The following UBR3 variants were observed in gnomAD, a reference collection of about 807,000 sequenced individuals.
UBR3 encodes the protein E3 ubiquitin-protein ligase UBR3.
UBR3 carries 85 observed loss-of-function variants against 243.2 expected under a neutral mutation model. That is an observed-to-expected ratio of 0.35 (90% CI 0.29 to 0.42). The LOEUF (loss-of-function observed/expected upper bound fraction) is 0.42. Among genes scored for constraint, UBR3 ranks in the 10% least tolerant of loss-of-function variants. UBR3 has a pLI of 1.00. For missense variants in UBR3, 1,686 were observed against 2,300.8 expected (o/e 0.73, Z 5.47); for synonymous variants, 748 against 799.8 (o/e 0.94, Z 1.09).
chr2:169,949,498 TG>T, intron 22 of UBR3, 106 bp from the exon 23 acceptor site: 1 of 1,009,482 alleles, frequency 9.9e-7, no homozygotes, highest in East Asian at 2.7e-5. Context: ...AATAAATCTT[TG>T]TATGAAACTG....
chr2:169,888,295 C>T (rs140282125), intron 5 of UBR3, among the ~76,000 whole-genome samples: 17,201 of 151,470 alleles, frequency 0.11, 1,198 homozygotes, highest in Admixed American at 0.19. Context: ...CCTGCCACTA[C>T]GCCCAGCTAA....
At chr2:169,894,405 C>T (rs1353508855) in intron 6 of UBR3, among the ~76,000 whole-genome samples, 1 of 144,994 alleles carries the variant, frequency 6.9e-6, no homozygotes, top group Non-Finnish European at 1.5e-5. Flanking sequence ...CTATATATCA[C>T]TTATGTCACC....
At chr2:169,890,314 C>G (rs748205535) in intron 5 of UBR3, among the ~76,000 whole-genome samples, 77 of 151,940 alleles carry the variant, frequency 5.1e-4, no homozygotes, top group Non-Finnish European at 8.8e-4. Flanking sequence ...AGTTGGCTGG[C>G]TTTCTTTACT....
intron 24 of UBR3, among the ~76,000 whole-genome samples, chr2:169,968,937 G>A (rs2087953062): frequency 6.6e-6 from 1 of 152,086 alleles, no homozygotes; most frequent in Non-Finnish European, 1.5e-5. Context: ...ATTCCCAGAG[G>A]ATTAATCATG....
At chr2:169,828,402 T>C (rs1294692527) in intron 1 of UBR3, among the ~76,000 whole-genome samples, 1 of 152,092 alleles carries the variant, frequency 6.6e-6, no homozygotes, top group Non-Finnish European at 1.5e-5. Flanking sequence ...GTGTACTTGT[T>C]GGGAAAGGCT....
rs139564520 is a variant in UBR3 at position 170,077,083 on chromosome 2, T to A, written c.5200-2731T>A. 193 of 382,572 alleles carry A rather than the reference T, an allele frequency of 5.0e-4. 5 individuals carry two copies. The East Asian group carries it at 0.013, about 25-fold the overall frequency. 23.7% of individuals were successfully genotyped at this position (382,572 alleles called of 1,614,324 possible). On this transcript the variant is annotated intron_variant, in intron 36 of 38. Coordinates refer to ENST00000272793, the MANE Select transcript of UBR3 (RefSeq NM_172070.4). ...AGCAGAAATTTAAGACCGAATTTTT[T>A]TTTCCATTTTAATGTTTACAATTTA... is the stretch of plus-strand genomic sequence containing the variant.
intron 24 of UBR3, among the ~76,000 whole-genome samples, chr2:169,980,942 A>G (rs1474862512): frequency 6.7e-6 from 1 of 149,564 alleles, no homozygotes; most frequent in Non-Finnish European, 1.5e-5. Context: ...AAAACAAACA[A>G]CCCCCACCCC....
intron 24 of UBR3, among the ~76,000 whole-genome samples, chr2:169,984,642 A>G (rs1432200366): frequency 6.6e-6 from 1 of 152,164 alleles, no homozygotes; most frequent in Admixed American, 6.5e-5. Flanking sequence ...AAATCTTACT[A>G]AAAATGTCAG....
chr2:169,869,549 T>C (rs1559040444), intron 1 of UBR3, among the ~76,000 whole-genome samples: 1 of 152,234 alleles, frequency 6.6e-6, no homozygotes, highest in East Asian at 1.9e-4. Context: ...AATAGTCAGA[T>C]ATTTTTCTTA....
chr2:169,985,517 C>T (rs2088961192), intron 24 of UBR3, among the ~76,000 whole-genome samples: 1 of 152,152 alleles, frequency 6.6e-6, no homozygotes, highest in African/African-American at 2.4e-5. Context: ...AGGCATGAGC[C>T]ACCATGCCCG....
intron 1 of UBR3, among the ~76,000 whole-genome samples, chr2:169,841,590 C>T (rs953254853): frequency 2.6e-5 from 4 of 152,328 alleles, no homozygotes; most frequent in Admixed American, 1.3e-4. Context: ...AGCTGGAGTT[C>T]CGGGTGGGCG....
chr2:170,057,167 G>C (rs1487414616), intron 33 of UBR3, among the ~76,000 whole-genome samples: 1 of 147,100 alleles, frequency 6.8e-6, no homozygotes, highest in African/African-American at 2.5e-5. Context: ...CCAGGCTGTA[G>C]TGCAATGGTA....
intron 23 of UBR3, among the ~76,000 whole-genome samples, chr2:169,951,039 ATTT>A (rs769307881): frequency 1.6e-4 from 25 of 152,184 alleles, no homozygotes; most frequent in Non-Finnish European, 3.5e-4. Context: ...TTTCTTTATT[ATTT>A]AAGACAAATT....
rs546085567 is a variant in UBR3, at chr2:170,052,263, G to T, written c.4661-3197G>T. ...ATTGTTGACTCATTGTTTTTCCTTA[G>T]TTCTGGGCATCCTGAAACTGTATGG... On this transcript the variant is annotated intron_variant, in intron 32 of 38. Coordinates refer to ENST00000272793, the MANE Select transcript of UBR3 (RefSeq NM_172070.4). Among the ~76,000 whole-genome samples the T allele has an allele frequency of 2.6e-5, 4 of 152,066 alleles. No individual in the cohort carries two copies. The South Asian group carries it at 6.2e-4, about 24-fold the overall frequency.
At chr2:169,838,614 A>G (rs1196364248) in intron 1 of UBR3, among the ~76,000 whole-genome samples, 1 of 152,130 alleles carries the variant, frequency 6.6e-6, no homozygotes, top group African/African-American at 2.4e-5. Flanking sequence ...TTAAGTTTCA[A>G]TGTGAATTTT....
At chr2:169,945,002 C>G (rs978085451) in intron 20 of UBR3, among the ~76,000 whole-genome samples, 2 of 152,116 alleles carry the variant, frequency 1.3e-5, no homozygotes, top group African/African-American at 4.8e-5. Context: ...TGCCTCTGCT[C>G]CTCACATCAT....
At chr2:169,920,444 T>C (rs1574204020) in intron 11 of UBR3, among the ~76,000 whole-genome samples, 1 of 146,964 alleles carries the variant, frequency 6.8e-6, no homozygotes, top group Non-Finnish European at 1.5e-5. Context: ...TGTGCACATG[T>C]ACCCTAAAAC....
chr2:170,015,026 T>C, intron 29 of UBR3: 1 of 299,298 alleles, frequency 3.3e-6, no homozygotes, highest in East Asian at 5.8e-5. Flanking sequence ...GTTGGGACTT[T>C]GCAACAATTA....
intron 33 of UBR3, among the ~76,000 whole-genome samples, chr2:170,057,248 T>G (rs772229912): frequency 2.0e-5 from 3 of 151,978 alleles, no homozygotes; most frequent in Non-Finnish European, 2.9e-5. Flanking sequence ...TGACGAGTAG[T>G]TGGGGCTACA....
Sources: gnomAD v4.1 joint callset for allele counts (sites outside exome capture counted in the v4.1 genomes callset) on GRCh38, gnomAD v4.1.1 for gene constraint, MANE v1.5 for transcripts, NCBI Gene and HGNC (gene_info 2026-07-23, HGNC 2026-07-21) for gene names.